The following CLN5 variants were observed in gnomAD, a reference collection of about 807,000 sequenced individuals.
CLN5 encodes bis(monoacylglycero)phosphate synthase CLN5.
CLN5 carries 34 observed loss-of-function variants against 36.7 expected under a neutral mutation model. That is an observed-to-expected ratio of 0.93 (90% CI 0.71 to 1.23). CLN5 has a LOEUF of 1.23. Among genes scored for constraint, CLN5 ranks in the 50% most tolerant of loss-of-function variants. CLN5 has a pLI of 0.00. For missense variants in CLN5, 427 were observed against 439.4 expected, an observed-to-expected ratio of 0.97 and a Z score of 0.25; for synonymous variants, 151 against 155.1, an observed-to-expected ratio of 0.97 and a Z score of 0.20.
At chr13:76,995,350 T>A in intron 2 of CLN5, 122 bp downstream of exon 2, 1 of 920,756 alleles carries the variant, frequency 1.1e-6, no homozygotes, top group Non-Finnish European at 1.8e-6. Flanking sequence ...TTTGTCTTAG[T>A]ACATTTAAAA....
At chr13:76,995,793 G>C in intron 2 of CLN5, 109 bp from the exon 3 acceptor site, 2 of 829,540 alleles carry the variant, frequency 2.4e-6, no homozygotes, top group South Asian at 1.4e-5. Flanking sequence ...CAGCTGAACA[G>C]TTGTTCTACT....
At chr13:76,993,124 A>T (rs2034208585) in intron 1 of CLN5, 1 of 152,218 alleles carries the variant, frequency 6.6e-6, no homozygotes, top group Non-Finnish European at 1.5e-5. Context: ...AAAAACAGCT[A>T]TTTTGTATGA....
rs900549787 is a variant in CLN5 at position 77,002,266 on chromosome 13, A to C, written c.*1297A>C. On this transcript the variant is annotated 3_prime_UTR_variant, in exon 4 of 4. Transcript: ENST00000377453. ...GAGTAAAGTGGACCTTAGAAAGGCTAAGTGATCTTTCTCTGGCTATCCAGC... is the reference window on the plus strand; with the variant it reads ...GAGTAAAGTGGACCTTAGAAAGGCTCAGTGATCTTTCTCTGGCTATCCAGC... The C allele has an allele frequency of 5.3e-5, 8 of 152,236 alleles. No individual in the cohort carries two copies. Among genetic ancestry groups the C allele is most frequent in the African/African-American group, 7.2e-5 (3 of 41,462 alleles). 9.4% of individuals were successfully genotyped at this position (152,236 alleles called of 1,614,324 possible).
Position 77,001,257 on chromosome 13 carries a change from C to T in CLN5, c.*288C>T. ...ATATCAGTTATGTAGGACCTTTGGA[C>T]CCAGGGTCCTACAGATAGATATGGT... On this transcript the variant is annotated 3_prime_UTR_variant, in exon 4 of 4. Coordinates refer to ENST00000377453, the MANE Select transcript of CLN5 (RefSeq NM_006493.4). 7.9e-6 allele frequency: 2 copies of T among 254,208 alleles called. No individual in the cohort carries two copies. Among genetic ancestry groups the T allele is most frequent in the African/African-American group, 4.5e-5 (2 of 44,158 alleles). 15.7% of individuals were successfully genotyped at this position (254,208 alleles called of 1,614,324 possible). A position where few individuals can be genotyped will look rare whatever the true frequency, so the allele number is the denominator to read the frequency against.
rs1046343530 is a variant in CLN5, at chr13:77,004,506, C to A, written c.*3537C>A. ...TGATTATTCTAAGGATAAGCTCTTA[C>A]TTCACTTTCGGAGTAAAAGGCTTTG... is the stretch of plus-strand genomic sequence containing the variant. On this transcript the variant is annotated 3_prime_UTR_variant, in exon 4 of 4. Coordinates refer to ENST00000377453, the MANE Select transcript of CLN5 (RefSeq NM_006493.4). 1.3e-5 allele frequency: 2 copies of A among 152,118 alleles called. No individual in the cohort carries two copies. The highest frequency in any genetic ancestry group is 2.1e-4 in the South Asian group (1 of 4,830). The allele number at this position is 152,118 out of a possible 1,614,324, so 9.4% of individuals were successfully genotyped here. A position where few individuals can be genotyped will look rare whatever the true frequency, so the allele number is the denominator to read the frequency against.
rs1367021567 is a variant in CLN5 at position 77,000,557 on chromosome 13, C to T, written c.665C>T (p.Ala222Val). Residue 222 changes from alanine to valine, a missense_variant, in exon 4 of 4, where the codon GCA (alanine) becomes GTA (valine). Physicochemically the swap from Ala to Val is moderately conservative, Grantham distance 64. Coordinates refer to ENST00000377453, the MANE Select transcript of CLN5 (RefSeq NM_006493.4). ...GTAAAAGCCAGCCCAGAAAAGGGGGCAGAGACATGGTTTGATTCCTACGAC... is the reference window on the plus strand; with the variant it reads ...GTAAAAGCCAGCCCAGAAAAGGGGGTAGAGACATGGTTTGATTCCTACGAC... Reference protein sequence around the residue: ...WNVKASPEKGAETWFDSYDCS... With the variant: ...WNVKASPEKGVETWFDSYDCS... The T allele has an allele frequency of 6.2e-7, 1 of 1,613,944 alleles. No homozygotes were observed. The highest frequency in any genetic ancestry group is 1.7e-5 in the Admixed American group (1 of 60,000).
intron 1 of CLN5, chr13:76,992,518 G>C (rs1373807693): frequency 1.1e-5 from 6 of 547,562 alleles, no homozygotes; most frequent in Non-Finnish European, 1.9e-5. Flanking sequence ...ACTCAGGACA[G>C]TCCTGAATCG....
chr13:76,997,044 TCATTGCATTTCCCTGAG>T (rs2034279967), intron 3 of CLN5: 2 of 152,334 alleles, frequency 1.3e-5, no homozygotes, highest in African/African-American at 4.8e-5. Context: ...ATTTCCCTGA[TCATTGCATTTCCCTGAG>T]CATTTTCATG....
rs758784279 is a variant in CLN5, at chr13:77,000,576, C to T, written c.684C>T (p.Ser228=). The stretch of plus-strand genomic sequence containing the variant: ...AGGGGGCAGAGACATGGTTTGATTC[C>T]TACGACTGTTCCAAATTTGTGTTAA... ...PEKGAETWFD[S]YDCSKFVLRT... The change falls in exon 4 of 4, where the codon TCC becomes TCT. Residue 228 remains serine (S), a synonymous_variant. Transcript: ENST00000377453. 1 of 1,614,032 alleles carries T rather than the reference C, an allele frequency of 6.2e-7. No individual in the cohort carries two copies. The highest frequency in any genetic ancestry group is 1.1e-5 in the South Asian group (1 of 91,088).
At chr13:76,993,974 C>T (rs1593909066) in intron 1 of CLN5, 2 of 152,202 alleles carry the variant, frequency 1.3e-5, no homozygotes, top group South Asian at 2.1e-4. Context: ...CAGTGCCCCT[C>T]GAGTCCTATT....
intron 3 of CLN5, chr13:76,998,044 T>A (rs2034297455): frequency 6.6e-6 from 1 of 152,476 alleles, no homozygotes; most frequent in Admixed American, 6.5e-5. Flanking sequence ...ATTTTACAGA[T>A]GGAGAAACTG....
chr13:77,002,845 T>G lies in CLN5; in HGVS notation c.*1876T>G, dbSNP rs1055511018. ...ACTCAGGAAATTGCTCTGGAAAAAC[T>G]ACAGGATTTTGGATTTCCAGAACTG... is the stretch of plus-strand genomic sequence containing the variant. On this transcript the variant is annotated 3_prime_UTR_variant, in exon 4 of 4. Coordinates refer to ENST00000377453, the MANE Select transcript of CLN5 (RefSeq NM_006493.4). The G allele has an allele frequency of 6.6e-6, 1 of 152,198 alleles. No individual in the cohort carries two copies. The highest frequency in any genetic ancestry group is 6.5e-5 in the Admixed American group (1 of 15,286). 9.4% of individuals were successfully genotyped at this position (152,198 alleles called of 1,614,324 possible). A position where few individuals can be genotyped will look rare whatever the true frequency, so the allele number is the denominator to read the frequency against.
Position 77,000,621 on chromosome 13 carries a change from T to C in CLN5, c.729T>C (p.Ala243=), listed in dbSNP as rs1349247735. 4 of 1,614,146 alleles carry C rather than the reference T, an allele frequency of 2.5e-6. No individual in the cohort carries two copies. The highest frequency in any genetic ancestry group is 2.5e-6 in the Non-Finnish European group (3 of 1,179,992). Reference sequence around the variant, plus strand: ...TGTTAAGGACCTTTAACAAGTTGGCTGAATTTGGAGCAGAGTTCAAGAACA... The same window carrying C: ...TGTTAAGGACCTTTAACAAGTTGGCCGAATTTGGAGCAGAGTTCAAGAACA... ...KFVLRTFNKL[A]EFGAEFKNIE... The change falls in exon 4 of 4, where the codon GCT becomes GCC. Residue 243 remains alanine (A), a synonymous_variant. Transcript: ENST00000377453.
rs745762281 is a variant in CLN5 at position 76,992,233 on chromosome 13, G to T, written c.135G>T (p.Ser45=). 3 of 1,593,936 alleles carry T rather than the reference G, an allele frequency of 1.9e-6. No individual in the cohort carries two copies. The highest frequency in any genetic ancestry group is 8.5e-7 in the Non-Finnish European group (1 of 1,175,368). Residue 45 remains serine, a synonymous_variant, in exon 1 of 4, where the codon TCG becomes TCT. Coordinates refer to ENST00000377453, the MANE Select transcript of CLN5 (RefSeq NM_006493.4). ...LAVVPGWSRV[S]GIPSRRHWPV... is the part of the protein sequence containing the mutation. The stretch of plus-strand genomic sequence containing the variant: ...TGGTTCCGGGCTGGTCCCGGGTCTC[G>T]GGCATCCCCTCCCGGCGCCACTGGC...
At chr13:76,995,773 C>T (rs892714503) in intron 2 of CLN5, 129 bp from the exon 3 acceptor site, 2 of 767,304 alleles carry the variant, frequency 2.6e-6, no homozygotes, top group African/African-American at 3.4e-5. Context: ...ACAGTAGCAG[C>T]ATGGAAGAAC....
chr13:76,994,899 A>G (rs2034238464), intron 1 of CLN5, 164 bp from the exon 2 acceptor site: 1 of 620,214 alleles, frequency 1.6e-6, no homozygotes, highest in Non-Finnish European at 2.8e-6. Flanking sequence ...TATTAAAAAC[A>G]TTATTGGAAG....
rs777949085 is a variant in CLN5 at position 76,992,223 on chromosome 13, C to G, written c.125C>G (p.Ser42Cys). The G allele has an allele frequency of 6.3e-6, 10 of 1,598,430 alleles. No homozygotes were observed. The South Asian group carries it at 8.9e-5, about 14-fold the overall frequency. The change falls in exon 1 of 4, where the codon TCC becomes TGC. Residue 42 changes from serine to cysteine, a missense_variant. Physicochemically the swap from Ser to Cys is moderately radical, Grantham distance 112 (BLOSUM62 -1). Coordinates refer to ENST00000377453, the MANE Select transcript of CLN5 (RefSeq NM_006493.4). ...LLWLAVVPGW[S>C]RVSGIPSRRH... ...TGGCTCGCGGTGGTTCCGGGCTGGT[C>G]CCGGGTCTCGGGCATCCCCTCCCGG...
At chr13:77,000,403 AT>A in intron 3 of CLN5, 54 bp from the exon 4 acceptor site, 5 of 1,480,574 alleles carry the variant, frequency 3.4e-6, no homozygotes, top group South Asian at 1.3e-5. Context: ...AAAAAAAAAA[AT>A]TAACATGATT....
In CLN5 at chr13:76,992,261, G is replaced by A. The variant is rs940819040; in HGVS notation, c.163G>A (p.Val55Met). 2.2e-5 allele frequency: 34 copies of A among 1,575,564 alleles called. No individual in the cohort carries two copies. The highest frequency in any genetic ancestry group is 2.8e-5 in the Non-Finnish European group (33 of 1,167,528). ...CATCCCCTCCCGGCGCCACTGGCCG[G>A]TGCCCTACAAGTGAGTGCGGCGGCG... The part of the protein sequence containing the change: ...SGIPSRRHWP[V>M]PYKRFDFRPK... Residue 55 changes from valine to methionine, a missense_variant, in exon 1 of 4, where the codon GTG (valine) becomes ATG (methionine). Val to Met is a conservative substitution (Grantham distance 21). Transcript: ENST00000377453.
Sources: gnomAD v4.1 joint callset for allele counts on GRCh38, gnomAD v4.1.1 for gene constraint, MANE v1.5 for transcripts, NCBI Gene and HGNC (gene_info 2026-07-23, HGNC 2026-07-21) for gene names.